Variants in TRIM55 observed in about 807,000 individuals in gnomAD.
TRIM55 encodes the protein tripartite motif containing 55, also known as tripartite motif-containing protein 55.
Under a neutral mutation model 60.9 loss-of-function variants are expected in TRIM55, and 50 were observed. The ratio of observed to expected loss-of-function variants is 0.82; its 90% confidence interval spans 0.65 to 1.04. TRIM55 has a LOEUF of 1.04. TRIM55 is among the 50% of genes least tolerant of loss of function. The probability of loss-of-function intolerance (pLI) is 0.00; values close to 1 mark genes in which losing one functional copy is unlikely to be tolerated. For missense variants in TRIM55, 681 were observed against 666.9 expected, an observed-to-expected ratio of 1.02 and a Z score of -0.23; for synonymous variants, 237 against 238.1, an observed-to-expected ratio of 1.00 and a Z score of 0.04.
rs182648484 is a variant in TRIM55 at position 66,169,162 on chromosome 8, G to C, written c.1525-5309G>C. ...AAAATAATGCCCCCCCACAAATGTGGCTACCCAAACTTGTGCCAGAGTGAA... is the reference window on the plus strand; with the variant it reads ...AAAATAATGCCCCCCCACAAATGTGCCTACCCAAACTTGTGCCAGAGTGAA... On this transcript the variant is annotated intron_variant, in intron 9 of 9. Transcript: ENST00000315962. Among the ~76,000 whole-genome samples, 3 of 152,278 alleles carry C rather than the reference G, an allele frequency of 2.0e-5. No homozygotes were observed. In the East Asian group the frequency reaches 5.8e-4, roughly 29 times the overall value.
At chr8:66,163,915 G>A (rs1375881871) in intron 9 of TRIM55, among the ~76,000 whole-genome samples, 1 of 152,114 alleles carries the variant, frequency 6.6e-6, no homozygotes, top group Non-Finnish European at 1.5e-5. Flanking sequence ...TATTCTTACA[G>A]TATCAGTTTT....
intron 9 of TRIM55, among the ~76,000 whole-genome samples, chr8:66,161,790 G>C (rs905405269): frequency 1.3e-5 from 2 of 150,986 alleles, no homozygotes; most frequent in East Asian, 1.9e-4. Flanking sequence ...TGTGAAAGGG[G>C]TTTGAGTTCT....
In TRIM55 at chr8:66,144,166, G is replaced by T. The variant is rs527294877; in HGVS notation, c.604-5479G>T. On this transcript the variant is annotated intron_variant, in intron 4 of 9. Coordinates refer to ENST00000315962, the MANE Select transcript of TRIM55 (RefSeq NM_184085.2). The stretch of plus-strand genomic sequence containing the variant: ...CAATGGCTTTAGGTCAATGTTAAAT[G>T]TTACCTACTCACTTCTAAGGAAACA... Among the ~76,000 whole-genome samples the T allele has an allele frequency of 3.9e-5, 6 of 152,204 alleles. No individual in the cohort carries two copies. In the East Asian group the frequency reaches 1.2e-3, roughly 29 times the overall value.
At chr8:66,143,331 T>C (rs1454506878) in intron 4 of TRIM55, among the ~76,000 whole-genome samples, 1 of 152,210 alleles carries the variant, frequency 6.6e-6, no homozygotes, top group African/African-American at 2.4e-5. Context: ...GTAATGTATA[T>C]CTTAATGCTG....
intron 9 of TRIM55, among the ~76,000 whole-genome samples, chr8:66,160,306 G>T (rs567035356): frequency 1.5e-4 from 23 of 151,978 alleles, no homozygotes; most frequent in African/African-American, 5.6e-4. Flanking sequence ...CATCCAGGTT[G>T]TTGCAAATGC....
rs191215059 is a variant in TRIM55, at chr8:66,165,317, G to A, written c.1525-9154G>A. Among the ~76,000 whole-genome samples, 598 of 152,084 alleles carry A rather than the reference G, an allele frequency of 3.9e-3. 1 individual carries two copies. Among genetic ancestry groups the A allele is most frequent in the Non-Finnish European group, 5.7e-3 (390 of 67,988 alleles). On this transcript the variant is annotated intron_variant, in intron 9 of 9. Transcript: ENST00000315962. ...ATACATTCTTATTTCAAGTGCAAAC[G>A]TCCACTCCAGCTGCCACTAGAGACT...
At chr8:66,153,967 G>A in intron 8 of TRIM55, 80 bp from the exon 9 acceptor site, 1 of 1,415,046 alleles carries the variant, frequency 7.1e-7, no homozygotes, top group Non-Finnish European at 9.5e-7. Context: ...CAAACCCAAA[G>A]GGAACTAAAA....
chr8:66,143,582 G>GTT (rs1343519648), intron 4 of TRIM55, among the ~76,000 whole-genome samples: 1 of 144,094 alleles, frequency 6.9e-6, no homozygotes, highest in East Asian at 2.0e-4. Flanking sequence ...TGGTTTTTGG[G>GTT]TTTTTTTTTT....
At chr8:66,159,566 C>T (rs1810932581) in intron 9 of TRIM55, among the ~76,000 whole-genome samples, 1 of 152,168 alleles carries the variant, frequency 6.6e-6, no homozygotes, top group East Asian at 1.9e-4. Flanking sequence ...AGTGGAATTG[C>T]TGGATTGTAT....
At chr8:66,114,882 G>T in the TRIM55 span, 70 of 296,356 alleles carry the variant, frequency 2.4e-4, no homozygotes, top group Non-Finnish European at 4.2e-4. Flanking sequence ...CTAGAGACCA[G>T]CGCTGAGAGA....
chr8:66,127,840 A>C (rs1161061211), intron 1 of TRIM55, among the ~76,000 whole-genome samples: 1 of 152,230 alleles, frequency 6.6e-6, no homozygotes, highest in African/African-American at 2.4e-5. Flanking sequence ...GTCTCAAAAA[A>C]AGAAAAACAA....
chr8:66,150,071 T>G, intron 5 of TRIM55, 146 bp from the exon 6 acceptor site: 2 of 1,032,548 alleles, frequency 1.9e-6, no homozygotes, highest in Non-Finnish European at 2.8e-6. Flanking sequence ...TTAAATCTAA[T>G]AGGGTTCTGT....
At chr8:66,133,639 G>A (rs4366069) in intron 2 of TRIM55, among the ~76,000 whole-genome samples, 39,828 of 152,132 alleles carry the variant, frequency 0.26, 8,804 homozygotes, top group African/African-American at 0.6. Flanking sequence ...CTGGAAGTCC[G>A]TGCAATTTTC....
upstream of TRIM55, among the ~76,000 whole-genome samples, chr8:66,125,644 CTT>C (rs761563435): frequency 6.6e-6 from 1 of 152,174 alleles, no homozygotes; most frequent in Non-Finnish European, 1.5e-5. Context: ...AGTAAAAAAA[CTT>C]TACCAGTTCC....
At chr8:66,137,571 CAG>C (rs1809553281) in intron 4 of TRIM55, among the ~76,000 whole-genome samples, 1 of 152,120 alleles carries the variant, frequency 6.6e-6, no homozygotes, top group Non-Finnish European at 1.5e-5. Flanking sequence ...CAGTCATAGG[CAG>C]GTTTGAGCTG....
chr8:66,128,626 G>C, intron 2 of TRIM55, 150 bp downstream of exon 2: 1 of 790,254 alleles, frequency 1.3e-6, no homozygotes, highest in Non-Finnish European at 1.9e-6. Context: ...TTCCCAGTGA[G>C]ACTGAGAGTT....
chr8:66,174,863 G>T lies in TRIM55; in HGVS notation c.*270G>T, dbSNP rs1319697423. 1 of 242,932 alleles carries T rather than the reference G, an allele frequency of 4.1e-6. No individual in the cohort carries two copies. Among genetic ancestry groups the T allele is most frequent in the Non-Finnish European group, 8.0e-6 (1 of 125,642 alleles). 15.0% of individuals were successfully genotyped at this position (242,932 alleles called of 1,614,324 possible). ...GTGTGGAAAATGTTGTGAAGGGTGT[G>T]TAGGTGTGGTACATGTGTATGTCAC... On this transcript the variant is annotated 3_prime_UTR_variant, in exon 10 of 10. Coordinates refer to ENST00000315962, the MANE Select transcript of TRIM55 (RefSeq NM_184085.2).
intron 9 of TRIM55, among the ~76,000 whole-genome samples, chr8:66,173,276 A>G (rs899595738): frequency 1.3e-5 from 2 of 152,208 alleles, no homozygotes; most frequent in African/African-American, 2.4e-5. Flanking sequence ...TGGCAGTACA[A>G]AGGATTATCC....
In TRIM55 at chr8:66,147,688, A is replaced by G. The variant is rs112604730; in HGVS notation, c.604-1957A>G. Among the ~76,000 whole-genome samples the G allele has an allele frequency of 2.9e-3, 433 of 150,822 alleles. 2 individuals are homozygous for G. The highest frequency in any genetic ancestry group is 9.5e-3 in the African/African-American group (391 of 41,178). ...CATGTGCCTGTAATCCCAGCTACTC[A>G]GGAGCCTGAGGCAGGAGAATCACTT... On this transcript the variant is annotated intron_variant, in intron 4 of 9. Coordinates refer to ENST00000315962, the MANE Select transcript of TRIM55 (RefSeq NM_184085.2).
Sources: gnomAD v4.1 joint callset for allele counts (sites outside exome capture counted in the v4.1 genomes callset) on GRCh38, gnomAD v4.1.1 for gene constraint, MANE v1.5 for transcripts, NCBI Gene and HGNC (gene_info 2026-07-23, HGNC 2026-07-21) for gene names.